The following RANBP2 variants were observed in gnomAD, a reference collection of about 807,000 sequenced individuals.
RANBP2 encodes the protein E3 SUMO-protein ligase RanBP2.
A neutral mutation model predicts 303.6 loss-of-function variants in RANBP2; 57 were observed. The ratio of observed to expected loss-of-function variants is 0.19; its 90% CI spans 0.15 to 0.23. The LOEUF (loss-of-function observed/expected upper bound fraction) is 0.23, where lower values mean the gene tolerates loss of function less well. RANBP2 is among the 10% of genes least tolerant of loss of function. The pLI, the probability that RANBP2 is intolerant of heterozygous loss-of-function variation, is 1.00. For synonymous variants in RANBP2, 1,167 were observed against 1,301.5 expected (o/e 0.90, Z 2.23); for missense variants, 3,138 against 3,780.8 (o/e 0.83, Z 4.46).
the RANBP2 span, among the ~76,000 whole-genome samples, chr2:109,701,051 C>T: frequency 1.3e-5 from 2 of 152,164 alleles, no homozygotes; most frequent in African/African-American, 2.4e-5. Flanking sequence ...ATGCAGGAGA[C>T]GCGTTCACAG....
chr2:108,763,408 A>C lies in RANBP2; in HGVS notation c.2869A>C (p.Arg957=). 6.2e-7 allele frequency: 1 copy of C among 1,614,040 alleles called. No homozygotes were observed. The part of the protein sequence containing the change: ...ESPATGILSP[R]GDDYFNYNVQ... ...TCCTGCAACGGGAATTCTATCGCCC[A>C]GGGGTGATGATTACTTTAATTACAA... Residue 957 remains arginine, a synonymous_variant, in exon 20 of 29, where the codon AGG becomes CGG. Coordinates refer to ENST00000283195, the MANE Select transcript of RANBP2 (RefSeq NM_006267.5).
intron 18 of RANBP2, among the ~76,000 whole-genome samples, chr2:108,759,342 T>C (rs1272328261): frequency 6.6e-6 from 1 of 152,184 alleles, no homozygotes; most frequent in Non-Finnish European, 1.5e-5. Context: ...ATTATACAGC[T>C]AGTTATTGAT....
chr2:109,421,532 C>G, the RANBP2 span, among the ~76,000 whole-genome samples: 1 of 152,236 alleles, frequency 6.6e-6, no homozygotes, highest in African/African-American at 2.4e-5. Flanking sequence ...GGACAAACCT[C>G]CATGTCCTGG....
At chr2:109,021,602 G>C in the RANBP2 span, among the ~76,000 whole-genome samples, 29 of 151,200 alleles carry the variant, frequency 1.9e-4, no homozygotes, top group Non-Finnish European at 3.7e-4. Context: ...TTCTCCTCCA[G>C]ACCTGAGGGG....
At chr2:109,158,848 G>A in the RANBP2 span, among the ~76,000 whole-genome samples, 3 of 152,230 alleles carry the variant, frequency 2.0e-5, no homozygotes, top group African/African-American at 7.2e-5. Context: ...AAAGTTCAGT[G>A]TGTCCTTATG....
At position 108,765,720 on chromosome 2, in the gene RANBP2, G is replaced by C. The variant is rs1677070110; in HGVS notation, c.5181G>C (p.Gln1727His). 6.2e-7 allele frequency: 1 copy of C among 1,613,898 alleles called. No homozygotes were observed. Among genetic ancestry groups the C allele is most frequent in the African/African-American group, 1.3e-5 (1 of 74,862 alleles). Residue 1727 changes from glutamine to histidine, a missense_variant, in exon 20 of 29, where the codon CAG becomes CAC. Gln to His is a conservative substitution (Grantham distance 24). Around this residue, in one of 20 missense-constraint regions of RANBP2, gnomAD observed 51 missense variants for 112.1 expected, o/e 0.45. Transcript: ENST00000283195. The part of the protein sequence containing the change: ...FEGMFTKKEG[Q>H]WDCSVCLVRN... Reference sequence around the variant, plus strand: ...GAATGTTCACTAAGAAGGAAGGACAGTGGGATTGCAGTGTGTGCTTAGTAA... The same window carrying C: ...GAATGTTCACTAAGAAGGAAGGACACTGGGATTGCAGTGTGTGCTTAGTAA...
At chr2:109,657,765 G>A in the RANBP2 span, among the ~76,000 whole-genome samples, 760 of 137,312 alleles carry the variant, frequency 5.5e-3, 3 homozygotes, top group South Asian at 0.01. Flanking sequence ...TGTTGCCCAG[G>A]CTGGAGTGCA....
At chr2:109,500,918 C>G in the RANBP2 span, among the ~76,000 whole-genome samples, 1 of 152,148 alleles carries the variant, frequency 6.6e-6, no homozygotes, top group African/African-American at 2.4e-5. Context: ...CCACGGCACT[C>G]CAGCCTGGGT....
the RANBP2 span, among the ~76,000 whole-genome samples, chr2:109,560,332 C>T: frequency 1.3e-5 from 2 of 152,180 alleles, no homozygotes; most frequent in Non-Finnish European, 2.9e-5. Context: ...AACTTTGACA[C>T]AGCAGCAGAC....
At chr2:109,265,390 T>C in the RANBP2 span, among the ~76,000 whole-genome samples, 3 of 152,228 alleles carry the variant, frequency 2.0e-5, no homozygotes, top group East Asian at 3.8e-4. Context: ...CCTCACAGTT[T>C]ATCAGATGGT....
the RANBP2 span, among the ~76,000 whole-genome samples, chr2:108,844,338 A>G: frequency 6.6e-6 from 1 of 151,804 alleles, no homozygotes; most frequent in Admixed American, 6.6e-5. Flanking sequence ...TCTTTCCTCC[A>G]TCCTCTCCAT....
chr2:109,656,076 C>T, the RANBP2 span, among the ~76,000 whole-genome samples: 1 of 152,182 alleles, frequency 6.6e-6, no homozygotes. Context: ...GGGGAGTCCC[C>T]TCTCTTCCCT....
the RANBP2 span, chr2:109,613,001 T>C: frequency 4.2e-6 from 2 of 478,676 alleles, no homozygotes; most frequent in East Asian, 1.4e-4. Context: ...AGAGCTTTTG[T>C]TTACACAGAT....
At chr2:108,820,230 C>T in the RANBP2 span, among the ~76,000 whole-genome samples, 1 of 151,812 alleles carries the variant, frequency 6.6e-6, no homozygotes, top group East Asian at 1.9e-4. Context: ...CAACATGGTG[C>T]GACCCCGTGC....
At chr2:109,406,628 A>G in the RANBP2 span, among the ~76,000 whole-genome samples, 2 of 152,148 alleles carry the variant, frequency 1.3e-5, no homozygotes, top group Non-Finnish European at 2.9e-5. Context: ...GCCCATTTGT[A>G]TATCATCCGC....
At chr2:109,562,096 C>T in the RANBP2 span, among the ~76,000 whole-genome samples, 1 of 151,846 alleles carries the variant, frequency 6.6e-6, no homozygotes, top group Non-Finnish European at 1.5e-5. Context: ...GCCTATAGTC[C>T]CAGCTACTCA....
chr2:109,171,733 G>T, the RANBP2 span, among the ~76,000 whole-genome samples: 4 of 152,246 alleles, frequency 2.6e-5, no homozygotes, highest in Non-Finnish European at 5.9e-5. Flanking sequence ...TGCGCCTGGC[G>T]CTGCCCTCCT....
the RANBP2 span, among the ~76,000 whole-genome samples, chr2:109,512,625 C>T: frequency 1.3e-5 from 2 of 152,178 alleles, no homozygotes; most frequent in African/African-American, 4.8e-5. Context: ...CTTGACTAGA[C>T]CCGGCTTGCT....
chr2:109,661,372 G>A, the RANBP2 span, among the ~76,000 whole-genome samples: 1 of 151,732 alleles, frequency 6.6e-6, no homozygotes, highest in East Asian at 1.9e-4. Context: ...TCAGCCTCCC[G>A]AGTAGCTGGG....
Sources: allele counts gnomAD v4.1 joint callset (sites outside exome capture counted in the v4.1 genomes callset), GRCh38; gene constraint gnomAD v4.1.1; regional missense constraint gnomAD v4.1.1; transcripts MANE v1.5; gene names NCBI Gene and HGNC (gene_info 2026-07-23, HGNC 2026-07-21).